UBA7: variants seen among roughly 807,000 people sequenced by gnomAD.
UBA7 encodes the protein ubiquitin-like modifier-activating enzyme 7.
In UBA7, 88 loss-of-function variants were observed where a neutral mutation model predicts 113.0. The ratio of observed to expected loss-of-function variants is 0.78; its 90% CI spans 0.66 to 0.93. The LOEUF (loss-of-function observed/expected upper bound fraction) is 0.93. Ranked by LOEUF, UBA7 falls within the 40% of genes least tolerant of loss-of-function variation. The pLI is 0.00. For missense variants in UBA7, 1,092 were observed against 1,266.4 expected, an observed-to-expected ratio of 0.86 and a Z score of 2.09; for synonymous variants, 459 against 513.0, an observed-to-expected ratio of 0.89 and a Z score of 1.42.
rs1452955052 is a variant in UBA7, at chr3:49,809,978, C to G, written c.1839G>C (p.Gln613His). The G allele has an allele frequency of 1.2e-6, 2 of 1,613,744 alleles. No individual in the cohort carries two copies. The highest frequency in any genetic ancestry group is 1.7e-6 in the Non-Finnish European group (2 of 1,179,916). Residue 613 changes from glutamine (Q) to histidine (H), a missense_variant and splice_region_variant, in exon 14 of 24, where the codon CAG (glutamine) becomes CAC (histidine). Physicochemically the swap from Gln to His is conservative, Grantham distance 24. Transcript: ENST00000333486. ...YFPSTAEHTL[Q>H]WARHEFEELF... ...TGGGAGTCTCCAGGGTGCTTCCTAC[C>G]TGCAGGGTGTGCTCGGCTGTGCTAG...
chr3:49,809,958 G>A lies in UBA7; in HGVS notation c.1839+20C>T. ...GAGGGCTGAGCTGGGTGGGGTGGGA[G>A]TCTCCAGGGTGCTTCCTACCTGCAG... On this transcript the variant is annotated intron_variant, in intron 14 of 23. Transcript: ENST00000333486. 1 of 1,614,046 alleles carries A rather than the reference G, an allele frequency of 6.2e-7. No homozygotes were observed. The highest frequency in any genetic ancestry group is 8.5e-7 in the Non-Finnish European group (1 of 1,179,968).
chr3:49,809,093 A>T lies in UBA7; in HGVS notation c.2230T>A (p.Ser744Thr), dbSNP rs769962830. 3.7e-6 allele frequency: 6 copies of T among 1,613,606 alleles called. No homozygotes were observed. In the East Asian group the frequency reaches 1.1e-4, roughly 30 times the overall value. The stretch of plus-strand genomic sequence containing the variant: ...TCCCTGAGTGCAGTCCAGTCCTGTG[A>T]GCCAGGCAGCCCATGCATCTGGGCA... ...LYAQMHGLPG[S>T]QDWTALRELL... is the part of the protein sequence containing the mutation. Residue 744 changes from serine to threonine, a missense_variant, in exon 18 of 24, where the codon TCA (serine) becomes ACA (threonine). Transcript: ENST00000333486.
chr3:49,808,302 G>A (rs867576436), intron 19 of UBA7, 84 bp downstream of exon 19: 1 of 1,576,692 alleles, frequency 6.3e-7, no homozygotes, highest in South Asian at 1.1e-5. Context: ...TTCAGGCCAA[G>A]GGGCTCCAAA....
chr3:49,806,436 T>A (rs1051346649), intron 21 of UBA7: 1 of 557,616 alleles, frequency 1.8e-6, no homozygotes, highest in Non-Finnish European at 3.2e-6. Flanking sequence ...GATGAGGGGG[T>A]GGTGCTTCCT....
Position 49,810,079 on chromosome 3 carries a change from C to A in UBA7, c.1738G>T (p.Glu580Ter). 6.2e-7 allele frequency: 1 copy of A among 1,613,362 alleles called. No individual in the cohort carries two copies. The highest frequency in any genetic ancestry group is 8.5e-7 in the Non-Finnish European group (1 of 1,180,000). Reference sequence around the variant, plus strand: ...GCTGAGGCAGGGGCTCTGTAGGCCTCAGTCACATGTGGCATGAATACTGTA... The same window carrying A: ...GCTGAGGCAGGGGCTCTGTAGGCCTAAGTCACATGTGGCATGAATACTGTA... Reference protein sequence around the residue: ...SATVFMPHVTEAYRAPASAAA... With the variant: ...SATVFMPHVT The change falls in exon 14 of 24, where the codon GAG becomes TAG. Residue 580 changes from glutamate to a stop codon, truncating the protein, a stop_gained. Transcript: ENST00000333486. LOFTEE classifies it high-confidence loss of function. The surrounding 1 kb of genome is among the most constrained non-coding windows in gnomAD (Gnocchi z 5.6).
At position 49,810,328 on chromosome 3, in the gene UBA7, A is replaced by G. The variant is rs1366612636; in HGVS notation, c.1568T>C (p.Ile523Thr). The G allele has an allele frequency of 3.1e-6, 5 of 1,614,054 alleles. No individual in the cohort carries two copies. Among genetic ancestry groups the G allele is most frequent in the Non-Finnish European group, 8.5e-7 (1 of 1,180,010 alleles). The part of the protein sequence containing the change: ...TYPLDPTTEH[I>T]YGDNFFSRVD... ...ACGGGAGAAAAAGTTATCCCCATAGATGTGCTCTGTGGTGGGATCCAGTGG... is the reference window on the plus strand; with the variant it reads ...ACGGGAGAAAAAGTTATCCCCATAGGTGTGCTCTGTGGTGGGATCCAGTGG... The change falls in exon 13 of 24, where the codon ATC (isoleucine) becomes ACC (threonine). Residue 523 changes from isoleucine to threonine, a missense_variant. By Grantham distance (89) the Ile-to-Thr change is moderately conservative. Coordinates refer to ENST00000333486, the MANE Select transcript of UBA7 (RefSeq NM_003335.3). This position sits in a 1 kb window ranked among gnomAD's most constrained non-coding sequence, Gnocchi z 5.6.
At position 49,805,834 on chromosome 3, in the gene UBA7, G is replaced by A; in HGVS notation, c.2909+63C>T. The A allele has an allele frequency of 6.2e-6, 9 of 1,443,920 alleles. No homozygotes were observed. The South Asian group carries it at 8.6e-5, about 14-fold the overall frequency. 89.4% of individuals were successfully genotyped at this position (1,443,920 alleles called of 1,614,324 possible). A position where few individuals can be genotyped will look rare whatever the true frequency, so the allele number is the denominator to read the frequency against. On this transcript the variant is annotated intron_variant, in intron 23 of 23. Coordinates refer to ENST00000333486, the MANE Select transcript of UBA7 (RefSeq NM_003335.3). ...TGGGGCTGGGAAGACAAAAGGCAGT[G>A]TGGTCCCTAGCCCCAGCCTCCAGGG...
In UBA7 at chr3:49,806,003, G is replaced by A. The variant is rs2108298292; in HGVS notation, c.2809-6C>T. 1 of 1,566,782 alleles carries A rather than the reference G, an allele frequency of 6.4e-7. No individual in the cohort carries two copies. Among genetic ancestry groups the A allele is most frequent in the South Asian group, 1.2e-5 (1 of 85,192 alleles). ...ACCCTCAACCCGTGCTGCTCCTAGA[G>A]GAGAAAGGTCAGACACCAGCTGGGC... is the stretch of plus-strand genomic sequence containing the variant. On this transcript the variant is annotated splice_region_variant and splice_polypyrimidine_tract_variant and intron_variant, in intron 22 of 23. Transcript: ENST00000333486.
intron 21 of UBA7, 155 bp from the exon 22 acceptor site, chr3:49,806,320 C>G (rs1312826501): frequency 1.5e-6 from 1 of 656,258 alleles, no homozygotes; most frequent in African/African-American, 1.8e-5. Flanking sequence ...GGCCCAGAGT[C>G]TCAGCCCCCT....
At position 49,809,631 on chromosome 3, in the gene UBA7, G is replaced by A; in HGVS notation, c.1999C>T (p.Gln667Ter). Reference sequence around the variant, plus strand: ...CCAAGAGCCCACGCCACACAGTCTTGCCAGTTCTGTGGACGCACTCTCAGG... The same window carrying A: ...CCAAGAGCCCACGCCACACAGTCTTACCAGTTCTGTGGACGCACTCTCAGG... ...GVLRVRPQNW[Q>*]DCVAWALGHW... Residue 667 changes from glutamine (Q) to a stop codon, truncating the protein, a stop_gained, in exon 16 of 24, where the codon CAA (glutamine) becomes TAA (stop). Transcript: ENST00000333486. LOFTEE classifies it high-confidence loss of function. 1 of 1,614,096 alleles carries A rather than the reference G, an allele frequency of 6.2e-7. No homozygotes were observed. The highest frequency in any genetic ancestry group is 8.5e-7 in the Non-Finnish European group (1 of 1,180,030).
chr3:49,812,996 G>T, intron 4 of UBA7, 66 bp downstream of exon 4: 1 of 1,553,458 alleles, frequency 6.4e-7, no homozygotes, highest in African/African-American at 1.3e-5. Flanking sequence ...CAAGCCTGGA[G>T]CTGAGGACAG....
chr3:49,809,161 TGC>T lies in UBA7; in HGVS notation c.2164-4_2164-3del. 5.6e-6 allele frequency: 9 copies of T among 1,607,478 alleles called. No homozygotes were observed. The highest frequency in any genetic ancestry group is 7.7e-6 in the Non-Finnish European group (9 of 1,176,454). On this transcript the variant is annotated splice_region_variant and splice_polypyrimidine_tract_variant and intron_variant, in intron 17 of 23. Coordinates refer to ENST00000333486, the MANE Select transcript of UBA7 (RefSeq NM_003335.3). ...CAGTACGTAGAGGAGGTGTGTGTCC[TGC>T]AGCCAGACCAAGAGCAGGAACAGAG...
rs1463026769 is a variant in UBA7, at chr3:49,807,967, G to A, written c.2524-40C>T. On this transcript the variant is annotated intron_variant, in intron 20 of 23. Transcript: ENST00000333486. The surrounding 1 kb of genome is among the most constrained non-coding windows in gnomAD (Gnocchi z 4.0). ...AGATTTGGTCTGGGCCCAAGGCGTAGGGCCAGGGTTTGCCCTCCACCTCCA... is the reference window on the plus strand; with the variant it reads ...AGATTTGGTCTGGGCCCAAGGCGTAAGGCCAGGGTTTGCCCTCCACCTCCA... 6.2e-7 allele frequency: 1 copy of A among 1,614,012 alleles called. No homozygotes were observed. Among genetic ancestry groups the A allele is most frequent in the Non-Finnish European group, 8.5e-7 (1 of 1,179,906 alleles).
At position 49,809,396 on chromosome 3, in the gene UBA7, G is replaced by T; in HGVS notation, c.2157C>A (p.Thr719=). The T allele has an allele frequency of 6.2e-7, 1 of 1,614,066 alleles. No homozygotes were observed. Among genetic ancestry groups the T allele is most frequent in the Non-Finnish European group, 8.5e-7 (1 of 1,179,956 alleles). Residue 719 remains threonine (T), a synonymous_variant, in exon 17 of 24, where the codon ACC becomes ACA. Transcript: ENST00000333486. ...KQCPQPLEFD[T]NQDTHLLYVL... ...CCTACAGAATCCCACTCACTTGGTT[G>T]GTGTCAAACTCCAAGGGCTGGGGAC...
Position 49,810,842 on chromosome 3 carries a change from A to G in UBA7, c.1231-10T>C, listed in dbSNP as rs1302275564. On this transcript the variant is annotated splice_polypyrimidine_tract_variant and intron_variant, in intron 10 of 23. Transcript: ENST00000333486. This position sits in a 1 kb window ranked among gnomAD's most constrained non-coding sequence, Gnocchi z 5.6. The stretch of plus-strand genomic sequence containing the variant: ...CATAGCGGCTGCCTCTCTAGGGGAC[A>G]GAGACGGGGTCAGTGATGGCTACTG... 6.2e-7 allele frequency: 1 copy of G among 1,614,046 alleles called. No homozygotes were observed. The highest frequency in any genetic ancestry group is 8.5e-7 in the Non-Finnish European group (1 of 1,180,036).
intron 8 of UBA7, 115 bp downstream of exon 8, chr3:49,811,755 A>C (rs974853683): frequency 1.2e-5 from 19 of 1,523,684 alleles, no homozygotes; most frequent in African/African-American, 2.7e-5. Flanking sequence ...CTCTACTCTA[A>C]AGGCTGCAGT....
In UBA7 at chr3:49,810,323, C is replaced by T; in HGVS notation, c.1573G>A (p.Gly525Arg). 1.2e-6 allele frequency: 2 copies of T among 1,614,192 alleles called. No individual in the cohort carries two copies. The highest frequency in any genetic ancestry group is 1.7e-5 in the Admixed American group (1 of 60,020). The stretch of plus-strand genomic sequence containing the variant: ...TCCACACGGGAGAAAAAGTTATCCC[C>T]ATAGATGTGCTCTGTGGTGGGATCC... ...PLDPTTEHIY[G>R]DNFFSRVDGV... The change falls in exon 13 of 24, where the codon GGG becomes AGG. Residue 525 changes from glycine to arginine, a missense_variant. By Grantham distance (125) the Gly-to-Arg change is moderately radical. Around this residue, in one of 3 missense-constraint regions of UBA7, gnomAD observed 584 missense variants for 714.5 expected, o/e 0.82. Coordinates refer to ENST00000333486, the MANE Select transcript of UBA7 (RefSeq NM_003335.3). This position sits in a 1 kb window ranked among gnomAD's most constrained non-coding sequence, Gnocchi z 5.6.
chr3:49,812,861 G>C (rs962269298), intron 4 of UBA7, 123 bp from the exon 5 acceptor site: 14 of 1,262,938 alleles, frequency 1.1e-5, no homozygotes, highest in Non-Finnish European at 1.6e-5. Context: ...TTGGGAACTA[G>C]AATTTGAGAG....
At position 49,809,433 on chromosome 3, in the gene UBA7, C is replaced by A; in HGVS notation, c.2120G>T (p.Gly707Val). The A allele has an allele frequency of 6.2e-7, 1 of 1,614,150 alleles. No homozygotes were observed. Among genetic ancestry groups the A allele is most frequent in the South Asian group, 1.1e-5 (1 of 91,072 alleles). ...CAAGGGCTGGGGACACTGTTTGGGA[C>A]CTGACCAGAAGGGAGTTCCATCCTC... ...VLEDGTPFWSGPKQCPQPLEF... is the reference protein window; with the variant it reads ...VLEDGTPFWSVPKQCPQPLEF... Residue 707 changes from glycine to valine, a missense_variant, in exon 17 of 24, where the codon GGT (glycine) becomes GTT (valine). Gly to Val is a moderately radical substitution (Grantham distance 109, BLOSUM62 -3). Transcript: ENST00000333486.
Sources: allele counts gnomAD v4.1 joint callset, GRCh38; gene constraint gnomAD v4.1.1; regional missense constraint gnomAD v4.1.1; non-coding constraint Gnocchi (gnomAD v3.1); transcripts MANE v1.5; gene names NCBI Gene and HGNC (gene_info 2026-07-23, HGNC 2026-07-21).